The following ITGBL1 variants were observed in gnomAD, a reference collection of about 807,000 sequenced individuals.
The protein encoded by ITGBL1 is integrin beta-like protein 1.
In ITGBL1, 51 loss-of-function variants were observed where a neutral mutation model predicts 68.5. The observed-to-expected ratio is 0.74, with a 90% CI of 0.59 to 0.94. The LOEUF (loss-of-function observed/expected upper bound fraction) is 0.94. Among genes scored for constraint, ITGBL1 ranks in the 40% least tolerant of loss-of-function variants. The probability of loss-of-function intolerance (pLI) is 0.00; values close to 1 mark genes in which losing one functional copy is unlikely to be tolerated. For synonymous variants in ITGBL1, 209 were observed against 227.3 expected, an observed-to-expected ratio of 0.92 and a Z score of 0.72; for missense variants, 649 against 647.4, an observed-to-expected ratio of 1.00 and a Z score of -0.03.
chr13:101,543,088 G>T (rs917545678), intron 2 of ITGBL1, among the ~76,000 whole-genome samples: 1 of 152,188 alleles, frequency 6.6e-6, no homozygotes, highest in Non-Finnish European at 1.5e-5. Context: ...GTGTGAATTT[G>T]ATCCTGTCAT....
chr13:101,531,048 T>C (rs986677841), intron 2 of ITGBL1, among the ~76,000 whole-genome samples: 7 of 7,126 alleles, frequency 9.8e-4, no homozygotes, highest in Admixed American at 2.3e-3. Flanking sequence ...TATTAGAGGA[T>C]TTTTTTTATT....
chr13:101,466,476 A>C (rs1021057888), intron 2 of ITGBL1, among the ~76,000 whole-genome samples: 10 of 152,168 alleles, frequency 6.6e-5, no homozygotes, highest in Admixed American at 5.9e-4. Context: ...CTTCTAATCT[A>C]CTTGGCCATT....
chr13:101,457,413 A>C (rs1856664455), intron 2 of ITGBL1, among the ~76,000 whole-genome samples: 2 of 152,202 alleles, frequency 1.3e-5, no homozygotes, highest in African/African-American at 2.4e-5. Context: ...AGTTAAGTCC[A>C]TTGGGATTAT....
intron 8 of ITGBL1, chr13:101,692,915 A>G (rs1259591719): frequency 6.2e-6 from 3 of 480,854 alleles, no homozygotes; most frequent in African/African-American, 5.9e-5. Flanking sequence ...AGTACGCAGT[A>G]CACTATCAAT....
intron 7 of ITGBL1, among the ~76,000 whole-genome samples, chr13:101,626,077 C>A (rs576377347): frequency 6.6e-6 from 1 of 152,106 alleles, no homozygotes; most frequent in Non-Finnish European, 1.5e-5. Context: ...AACCATTGTA[C>A]CTTTGCTATT....
At position 101,495,919 on chromosome 13, in the gene ITGBL1, C is replaced by T. The variant is rs145181668; in HGVS notation, c.316+41819C>T. Among the ~76,000 whole-genome samples, 1,175 of 152,178 alleles carry T rather than the reference C, an allele frequency of 7.7e-3. 19 individuals carry two copies. Among genetic ancestry groups the T allele is most frequent in the African/African-American group, 0.027 (1,130 of 41,520 alleles). On this transcript the variant is annotated intron_variant, in intron 2 of 10. Transcript: ENST00000376180. ...TAAAAGCAATTCATTGAGAGAGAAA[C>T]TGATATATCTTACATTGTATATTTC...
At chr13:101,460,488 C>T (rs898582556) in intron 2 of ITGBL1, among the ~76,000 whole-genome samples, 4 of 152,186 alleles carry the variant, frequency 2.6e-5, no homozygotes, top group Non-Finnish European at 5.9e-5. Context: ...GCCCAAGTGA[C>T]GTATAAAAGT....
chr13:101,640,061 AC>A (rs1452419945), intron 7 of ITGBL1, among the ~76,000 whole-genome samples: 1 of 152,182 alleles, frequency 6.6e-6, no homozygotes, highest in African/African-American at 2.4e-5. Context: ...GCCCATATTC[AC>A]AAGTGAAAAT....
At chr13:101,477,262 T>C (rs1020838584) in intron 2 of ITGBL1, among the ~76,000 whole-genome samples, 14 of 152,038 alleles carry the variant, frequency 9.2e-5, no homozygotes, top group Non-Finnish European at 5.9e-5. Context: ...AATGAAGTAA[T>C]TAAGAAATAA....
chr13:101,466,916 T>A (rs1024784732), intron 2 of ITGBL1, among the ~76,000 whole-genome samples: 4 of 152,178 alleles, frequency 2.6e-5, no homozygotes, highest in African/African-American at 9.7e-5. Context: ...TACCCTAGAC[T>A]GAGTAATTTA....
chr13:101,665,238 T>C (rs969808387), intron 7 of ITGBL1, among the ~76,000 whole-genome samples: 1 of 152,160 alleles, frequency 6.6e-6, no homozygotes, highest in Non-Finnish European at 1.5e-5. Context: ...ATAAATCAAT[T>C]GACAGAATTG....
At chr13:101,471,737 C>G (rs2048463857) in intron 2 of ITGBL1, among the ~76,000 whole-genome samples, 1 of 152,128 alleles carries the variant, frequency 6.6e-6, no homozygotes, top group Non-Finnish European at 1.5e-5. Flanking sequence ...AGACGAAATA[C>G]TTGAGATCTC....
chr13:101,539,965 T>C (rs1422879906), intron 2 of ITGBL1, among the ~76,000 whole-genome samples: 2 of 152,198 alleles, frequency 1.3e-5, no homozygotes, highest in Non-Finnish European at 2.9e-5. Flanking sequence ...CTTTGTCAGA[T>C]GAGTAGATTG....
intron 2 of ITGBL1, among the ~76,000 whole-genome samples, chr13:101,538,819 A>G (rs968852492): frequency 7.9e-5 from 12 of 152,174 alleles, no homozygotes; most frequent in African/African-American, 1.2e-4. Context: ...AAATACTTAC[A>G]TAGTGTTTAT....
At chr13:101,638,600 G>A (rs1361340857) in intron 7 of ITGBL1, among the ~76,000 whole-genome samples, 3 of 152,102 alleles carry the variant, frequency 2.0e-5, no homozygotes, top group African/African-American at 4.8e-5. Context: ...CTCACATGGC[G>A]GGAGACAAGA....
chr13:101,602,065 C>G (rs7998449), intron 7 of ITGBL1, among the ~76,000 whole-genome samples: 151,277 of 152,160 alleles, frequency 0.99, 75,201 homozygotes, highest in Middle Eastern at 1. Flanking sequence ...TCACTGTCAG[C>G]CTACTTTAGC....
intron 6 of ITGBL1, among the ~76,000 whole-genome samples, chr13:101,585,644 A>G (rs1594906556): frequency 6.6e-6 from 1 of 151,884 alleles, no homozygotes; most frequent in Non-Finnish European, 1.5e-5. Context: ...GTTAGCCAGG[A>G]TGGTCTCAAT....
At chr13:101,490,729 A>G (rs576511703) in intron 2 of ITGBL1, among the ~76,000 whole-genome samples, 4 of 152,338 alleles carry the variant, frequency 2.6e-5, no homozygotes, top group African/African-American at 9.6e-5. Flanking sequence ...GCCAAACCTA[A>G]CACATGTAGG....
intron 7 of ITGBL1, among the ~76,000 whole-genome samples, chr13:101,627,263 T>C (rs1343685963): frequency 3.9e-5 from 6 of 152,184 alleles, no homozygotes; most frequent in Admixed American, 3.9e-4. Context: ...GTAGAAAACA[T>C]GTGATATTTC....
Sources: gnomAD v4.1 joint callset for allele counts (sites outside exome capture counted in the v4.1 genomes callset) on GRCh38, gnomAD v4.1.1 for gene constraint, MANE v1.5 for transcripts, NCBI Gene and HGNC (gene_info 2026-07-23, HGNC 2026-07-21) for gene names.